Variants in MAU2 observed in about 807,000 individuals in gnomAD.
MAU2 encodes MAU2 sister chromatid cohesion factor, also known as MAU2 chromatid cohesion factor homolog.
Under a neutral mutation model 89.1 loss-of-function variants are expected in MAU2, and 9 were observed. The observed-to-expected ratio is 0.10, with a 90% CI of 0.06 to 0.18. The LOEUF (loss-of-function observed/expected upper bound fraction) is 0.18, where lower values mean the gene tolerates loss of function less well. MAU2 is among the 10% of genes least tolerant of loss of function. The pLI, the probability that MAU2 is intolerant of heterozygous loss-of-function variation, is 1.00. For missense variants in MAU2, 425 were observed against 803.5 expected (o/e 0.53, Z 5.69); for synonymous variants, 357 against 343.4 (o/e 1.04, Z -0.44).
intron 7 of MAU2, among the ~76,000 whole-genome samples, chr19:19,342,121 C>T (rs2061653630): frequency 6.6e-6 from 1 of 152,164 alleles, no homozygotes; most frequent in African/African-American, 2.4e-5. Flanking sequence ...AGAGACATCC[C>T]TCGGGGCCTC....
At chr19:19,328,712 C>T (rs1336504195) in intron 1 of MAU2, among the ~76,000 whole-genome samples, 4 of 152,198 alleles carry the variant, frequency 2.6e-5, no homozygotes, top group Non-Finnish European at 5.9e-5. Context: ...TGAGCCACCG[C>T]GCCCAGCCAC....
intron 5 of MAU2, among the ~76,000 whole-genome samples, chr19:19,339,270 A>AG (rs2061621198): frequency 1.3e-5 from 2 of 152,106 alleles, no homozygotes; most frequent in Non-Finnish European, 2.9e-5. Flanking sequence ...CAACATGGTG[A>AG]AACCTGTTTC....
chr19:19,338,745 C>A, intron 4 of MAU2, 100 bp from the exon 5 acceptor site: 2 of 774,494 alleles, frequency 2.6e-6, no homozygotes, highest in Non-Finnish European at 4.2e-6. Context: ...GTTTCACTGA[C>A]GTGGGGAGGT....
rs1325571674 is a variant in MAU2, at chr19:19,358,050, C to T, written c.*2268C>T. 5.3e-5 allele frequency: 8 copies of T among 150,762 alleles called. No homozygotes were observed. The highest frequency in any genetic ancestry group is 5.3e-4 in the Admixed American group (8 of 15,096). The allele number at this position is 150,762 out of a possible 1,614,324, so 9.3% of individuals were successfully genotyped here. On this transcript the variant is annotated 3_prime_UTR_variant, in exon 19 of 19. Coordinates refer to ENST00000262815, the MANE Select transcript of MAU2 (RefSeq NM_015329.4). ...GTGAGCATGATCGCGACACTGCACT[C>T]CAGCCTGGGTGACGGTGAGACTTTG...
At chr19:19,351,429 G>T (rs1356919009) in intron 16 of MAU2, among the ~76,000 whole-genome samples, 2 of 152,022 alleles carry the variant, frequency 1.3e-5, no homozygotes, top group Non-Finnish European at 2.9e-5. Context: ...CAACACTTTG[G>T]GAGGCAGAGG....
chr19:19,342,184 C>T (rs1210905260), intron 7 of MAU2, among the ~76,000 whole-genome samples: 1 of 152,158 alleles, frequency 6.6e-6, no homozygotes, highest in Non-Finnish European at 1.5e-5. Context: ...GAAGCCACCT[C>T]CCACCCCCTC....
rs1434093248 is a variant in MAU2, at chr19:19,348,715, C to G, written c.1309-174C>G. On this transcript the variant is annotated intron_variant, in intron 13 of 18. Transcript: ENST00000262815. Reference sequence around the variant, plus strand: ...CAGGGCTGGCTGAGGGTGTGGAAATCTTGCCCCCGGCCCTTCTCACCAGAG... The same window carrying G: ...CAGGGCTGGCTGAGGGTGTGGAAATGTTGCCCCCGGCCCTTCTCACCAGAG... 6.9e-6 allele frequency: 5 copies of G among 720,826 alleles called. No homozygotes were observed. The Admixed American group carries it at 1.0e-4, about 15-fold the overall frequency. 44.7% of individuals were successfully genotyped at this position (720,826 alleles called of 1,614,324 possible). A position where few individuals can be genotyped will look rare whatever the true frequency, so the allele number is the denominator to read the frequency against.
rs113101419 is a variant in MAU2 at position 19,358,079 on chromosome 19, C to CA, written c.*2314dup. 5,102 of 64,256 alleles carry CA rather than the reference C, an allele frequency of 0.079. 108 individuals carry two copies. The highest frequency in any genetic ancestry group is 0.13 in the East Asian group (307 of 2,282). The allele number at this position is 64,256 out of a possible 1,614,324, so 4.0% of individuals were successfully genotyped here. On this transcript the variant is annotated 3_prime_UTR_variant, in exon 19 of 19. Transcript: ENST00000262815. ...CCTGGGTGACGGTGAGACTTTGTCT[C>CA]AAAAAAAAAAAAAAAAACAATGGAA...
At chr19:19,325,520 C>T (rs1478589490) in intron 1 of MAU2, among the ~76,000 whole-genome samples, 1 of 151,896 alleles carries the variant, frequency 6.6e-6, no homozygotes, top group African/African-American at 2.4e-5. Context: ...ACTCCTATTA[C>T]CCAGGCTGGA....
intron 7 of MAU2, 137 bp downstream of exon 7, chr19:19,341,544 C>T: frequency 9.5e-7 from 1 of 1,052,512 alleles, no homozygotes; most frequent in Non-Finnish European, 1.4e-6. Context: ...CATACCAGTC[C>T]CGGACACACA....
At position 19,358,680 on chromosome 19, in the gene MAU2, T is replaced by C. The variant is rs558287953; in HGVS notation, c.*2898T>C. On this transcript the variant is annotated 3_prime_UTR_variant, in exon 19 of 19. Transcript: ENST00000262815. ...AATACAGAACATTGTTTAAAAGACA[T>C]AACCATAGAACATAGCTTCCTGTTT... 6.6e-6 allele frequency: 1 copy of C among 152,390 alleles called. No individual in the cohort carries two copies. Among genetic ancestry groups the C allele is most frequent in the East Asian group, 1.9e-4 (1 of 5,192 alleles). 9.4% of individuals were successfully genotyped at this position (152,390 alleles called of 1,614,324 possible). A position where few individuals can be genotyped will look rare whatever the true frequency, so the allele number is the denominator to read the frequency against.
rs760711935 is a variant in MAU2 at position 19,320,923 on chromosome 19, G to T, written c.64G>T (p.Ala22Ser). 4 of 1,562,154 alleles carry T rather than the reference G, an allele frequency of 2.6e-6. No individual in the cohort carries two copies. The highest frequency in any genetic ancestry group is 3.5e-6 in the Non-Finnish European group (4 of 1,154,702). The change falls in exon 1 of 19, where the codon GCC (alanine) becomes TCC (serine). Residue 22 changes from alanine to serine, a missense_variant. Physicochemically the swap from Ala to Ser is moderately conservative, Grantham distance 99. Around this residue, in one of 11 missense-constraint regions of MAU2, gnomAD observed 61 missense variants for 40.1 expected, o/e 1.52. Transcript: ENST00000262815. ...GGCCCAGGCTGCGCAGGCCGAGGCGGCCGACTCGTGGTACCTGGCGCTTCT... is the reference window on the plus strand; with the variant it reads ...GGCCCAGGCTGCGCAGGCCGAGGCGTCCGACTCGTGGTACCTGGCGCTTCT... ...AAAQAAQAEAADSWYLALLGF... is the reference protein window; with the variant it reads ...AAAQAAQAEASDSWYLALLGF...
chr19:19,328,820 G>T (rs991922691), intron 1 of MAU2, among the ~76,000 whole-genome samples: 2 of 152,096 alleles, frequency 1.3e-5, no homozygotes, highest in African/African-American at 4.8e-5. Flanking sequence ...AAGCCACCCA[G>T]GACTAAATGC....
chr19:19,327,817 C>T (rs1013388822), intron 1 of MAU2, among the ~76,000 whole-genome samples: 4 of 152,058 alleles, frequency 2.6e-5, no homozygotes, highest in Admixed American at 6.5e-5. Context: ...CATGGCAGGA[C>T]ACTTTACCTG....
At chr19:19,338,751 G>A (rs915233705) in intron 4 of MAU2, 94 bp from the exon 5 acceptor site, 3 of 823,612 alleles carry the variant, frequency 3.6e-6, no homozygotes, top group Non-Finnish European at 5.8e-6. Context: ...CTGACGTGGG[G>A]AGGTTTGGTT....
chr19:19,326,477 G>T (rs2061504573), intron 1 of MAU2, among the ~76,000 whole-genome samples: 1 of 151,522 alleles, frequency 6.6e-6, no homozygotes, highest in Admixed American at 6.6e-5. Flanking sequence ...ACGAGGTCAG[G>T]AGATCGAGAC....
chr19:19,321,050 A>G lies in MAU2; in HGVS notation c.191A>G (p.Glu64Gly). 2.5e-6 allele frequency: 4 copies of G among 1,612,920 alleles called. No individual in the cohort carries two copies. Among genetic ancestry groups the G allele is most frequent in the South Asian group, 2.2e-5 (2 of 90,772 alleles). ...VFPFKPPQRI[E>G]ARTHLQLGSV... The stretch of plus-strand genomic sequence containing the variant: ...CCCTTCAAGCCGCCGCAGCGCATCG[A>G]GGCCCGTACACACCTGCAGCTGGGC... Residue 64 changes from glutamate (E) to glycine (G), a missense_variant, in exon 1 of 19, where the codon GAG becomes GGG. Glu to Gly is a moderately conservative substitution (Grantham distance 98). Around this residue, in one of 11 missense-constraint regions of MAU2, gnomAD observed 57 missense variants for 57.5 expected, o/e 0.99. Transcript: ENST00000262815.
rs2061507854 is a variant in MAU2, at chr19:19,326,695, TATATATGTATATATATATATATATAC to T, written c.276+5567_276+5592del. On this transcript the variant is annotated intron_variant, in intron 1 of 18. Coordinates refer to ENST00000262815, the MANE Select transcript of MAU2 (RefSeq NM_015329.4). ...AGCGAGACTGTCTCAAAAAAAAATA[TATATATGTATATATATATATATATAC>T]ATATATATATATATACACAAAAATT... Among the ~76,000 whole-genome samples the T allele has an allele frequency of 1.9e-5, 2 of 105,094 alleles. 1 individual carries two copies. Among genetic ancestry groups the T allele is most frequent in the Admixed American group, 2.2e-4 (2 of 8,920 alleles). 68.9% of individuals were successfully genotyped at this position (105,094 alleles called of 152,430 possible).
chr19:19,335,245 CAGA>C (rs1359975427), intron 1 of MAU2, among the ~76,000 whole-genome samples: 2 of 152,338 alleles, frequency 1.3e-5, no homozygotes, highest in East Asian at 3.9e-4. Flanking sequence ...GCCTCTTGCT[CAGA>C]AGGACTAACC....
Sources: allele counts gnomAD v4.1 joint callset (sites outside exome capture counted in the v4.1 genomes callset), GRCh38; gene constraint gnomAD v4.1.1; regional missense constraint gnomAD v4.1.1; transcripts MANE v1.5; gene names NCBI Gene and HGNC (gene_info 2026-07-23, HGNC 2026-07-21).